CALCOCO2: variants seen among roughly 807,000 people sequenced by gnomAD.
The protein encoded by CALCOCO2 is calcium-binding and coiled-coil domain-containing protein 2.
A neutral mutation model predicts 62.5 loss-of-function variants in CALCOCO2; 42 were observed. The ratio of observed to expected loss-of-function variants is 0.67; its 90% confidence interval spans 0.53 to 0.87. CALCOCO2 has a LOEUF of 0.87. Ranked by LOEUF, CALCOCO2 falls within the 40% of genes least tolerant of loss-of-function variation. The pLI is 0.00. For missense variants in CALCOCO2, 456 were observed against 515.0 expected (o/e 0.89, Z 1.11); for synonymous variants, 167 against 173.0 (o/e 0.97, Z 0.27).
chr17:48,839,069 G>T (rs1334453982), intron 1 of CALCOCO2, among the ~76,000 whole-genome samples: 2 of 151,606 alleles, frequency 1.3e-5, no homozygotes, highest in Non-Finnish European at 2.9e-5. Context: ...GCGCAATCTG[G>T]CAATCTTGGC....
chr17:48,849,281 C>T lies in CALCOCO2; in HGVS notation c.447C>T (p.Asn149=). The part of the protein sequence containing the change: ...QGEVEEIEQH[N]KELCKENQEL... ...AGGTGGAAGAGATTGAGCAGCACAA[C>T]AAGGAGCTTTGCAAAGAAAACCAGG... Residue 149 remains asparagine, a synonymous_variant, in exon 5 of 13, where the codon AAC becomes AAT. Transcript: ENST00000258947. 1.2e-6 allele frequency: 2 copies of T among 1,613,726 alleles called. No homozygotes were observed. The highest frequency in any genetic ancestry group is 8.5e-7 in the Non-Finnish European group (1 of 1,179,706).
intron 9 of CALCOCO2, 46 bp from the exon 10 acceptor site, chr17:48,856,046 G>T: frequency 2.1e-6 from 2 of 956,730 alleles, no homozygotes; most frequent in Non-Finnish European, 3.3e-6. Flanking sequence ...CTTGTACCCA[G>T]ACTGCAATAT....
intron 1 of CALCOCO2, among the ~76,000 whole-genome samples, chr17:48,841,130 G>A (rs1189536904): frequency 6.6e-6 from 1 of 152,212 alleles, no homozygotes; most frequent in Admixed American, 6.5e-5. Context: ...AATAGGTGGT[G>A]AAGCTGGAAT....
intron 10 of CALCOCO2, among the ~76,000 whole-genome samples, chr17:48,858,034 GAATA>G (rs2040257510): frequency 8.2e-5 from 2 of 24,480 alleles, no homozygotes; most frequent in South Asian, 3.9e-3. Context: ...GAATAGAATA[GAATA>G]GAATAGAAAA....
chr17:48,850,570 T>C (rs2040114688), intron 5 of CALCOCO2, among the ~76,000 whole-genome samples: 1 of 152,244 alleles, frequency 6.6e-6, no homozygotes, highest in Non-Finnish European at 1.5e-5. Flanking sequence ...TAAAATTATA[T>C]GTAGCTCTCA....
intron 1 of CALCOCO2, among the ~76,000 whole-genome samples, chr17:48,841,111 C>T (rs994072784): frequency 1.3e-5 from 2 of 152,154 alleles, no homozygotes; most frequent in African/African-American, 4.8e-5. Context: ...TGCCCAATGC[C>T]ACAAATTTAA....
chr17:48,853,041 GAGGGAGCCTAT>G, intron 9 of CALCOCO2, 29 bp downstream of exon 9: 1 of 1,472,042 alleles, frequency 6.8e-7, no homozygotes, highest in East Asian at 2.3e-5. Flanking sequence ...GGTTATGTGG[GAGGGAGCCTAT>G]AGGGATGTAG....
intron 2 of CALCOCO2, among the ~76,000 whole-genome samples, chr17:48,847,171 G>C (rs2040063581): frequency 6.6e-6 from 1 of 151,956 alleles, no homozygotes; most frequent in Non-Finnish European, 1.5e-5. Context: ...CTCTTATCTG[G>C]TGCCTCATAA....
At chr17:48,846,003 A>T in intron 2 of CALCOCO2, 1 of 1,067,602 alleles carries the variant, frequency 9.4e-7, no homozygotes, top group Admixed American at 2.6e-5. Context: ...TTTGCAGCTC[A>T]CCTCAAATGC....
At chr17:48,858,715 CACAGTTTGCAAA>C (rs1413419066) in intron 10 of CALCOCO2, among the ~76,000 whole-genome samples, 2 of 151,840 alleles carry the variant, frequency 1.3e-5, no homozygotes, top group African/African-American at 4.8e-5. Flanking sequence ...CAGGTGCACA[CACAGTTTGCAAA>C]ACAAAGGGAA....
rs762797808 is a variant in CALCOCO2 at position 48,841,666 on chromosome 17, T to TAA, written c.-10-32_-10-31insAA. On this transcript the variant is annotated intron_variant, in intron 1 of 12. Transcript: ENST00000258947. The stretch of plus-strand genomic sequence containing the variant: ...CACCAACATTTCAGACAATGCTTTC[T>TAA]GAGCCTTACTCTGTTCCACATTTCA... The TAA allele has an allele frequency of 2.1e-6, 3 of 1,442,484 alleles. No individual in the cohort carries two copies. The African/African-American group carries it at 4.3e-5, about 20-fold the overall frequency. 89.4% of individuals were successfully genotyped at this position (1,442,484 alleles called of 1,614,324 possible).
chr17:48,851,467 C>T (rs924942980), intron 6 of CALCOCO2, 92 bp from the exon 7 acceptor site: 30 of 801,082 alleles, frequency 3.7e-5, no homozygotes, highest in Admixed American at 7.2e-5. Flanking sequence ...ATTCTGCAGG[C>T]TTAGGGCCAA....
At position 48,856,137 on chromosome 17, in the gene CALCOCO2, A is replaced by G; in HGVS notation, c.958A>G (p.Ile320Val). The change falls in exon 10 of 13, where the codon ATA becomes GTA. Residue 320 changes from isoleucine (I) to valine (V), a missense_variant. Transcript: ENST00000258947. ...LSKRLSENEI[I>V]CNALQRQKER... is the part of the protein sequence containing the mutation. ...AAAAAGACTGAGTGAGAACGAAATT[A>G]TATGTAATGCTCTGCAGAGACAGAA... 1 of 1,604,920 alleles carries G rather than the reference A, an allele frequency of 6.2e-7. No individual in the cohort carries two copies.
At chr17:48,838,558 C>CA (rs1286548614) in intron 1 of CALCOCO2, among the ~76,000 whole-genome samples, 10 of 151,822 alleles carry the variant, frequency 6.6e-5, no homozygotes, top group Middle Eastern at 3.4e-3. Flanking sequence ...ACTAAAAATT[C>CA]AAAAAACTGG....
chr17:48,846,319 A>G (rs1053346960), intron 2 of CALCOCO2: 3 of 597,676 alleles, frequency 5.0e-6, no homozygotes, highest in South Asian at 2.1e-5. Context: ...TTTTTAATAC[A>G]TACAAATATG....
At chr17:48,846,464 A>C in intron 2 of CALCOCO2, 1 of 1,484,740 alleles carries the variant, frequency 6.7e-7, no homozygotes, top group Non-Finnish European at 9.1e-7. Context: ...TTTCCAAGAC[A>C]AATTGGAACA....
intron 10 of CALCOCO2, among the ~76,000 whole-genome samples, chr17:48,859,451 A>G (rs1263973796): frequency 6.6e-6 from 1 of 152,058 alleles, no homozygotes; most frequent in Non-Finnish European, 1.5e-5. Context: ...AAAATTTAAA[A>G]ATCAGCCAGG....
chr17:48,856,120 T>C lies in CALCOCO2; in HGVS notation c.941T>C (p.Leu314Pro). The change falls in exon 10 of 13, where the codon CTG becomes CCG. Residue 314 changes from leucine (L) to proline (P), a missense_variant. By Grantham distance (98) the Leu-to-Pro change is moderately conservative (BLOSUM62 -3). Around this residue, in one of 3 missense-constraint regions of CALCOCO2, gnomAD observed 172 missense variants for 210.3 expected, o/e 0.82. Coordinates refer to ENST00000258947, the MANE Select transcript of CALCOCO2 (RefSeq NM_005831.5). ...MDENFDLSKR[L>P]SENEIICNAL... is the part of the protein sequence containing the mutation. The stretch of plus-strand genomic sequence containing the variant: ...GAAAACTTTGACCTGTCAAAAAGAC[T>C]GAGTGAGAACGAAATTATATGTAAT... 1 of 1,601,438 alleles carries C rather than the reference T, an allele frequency of 6.2e-7. No homozygotes were observed. The highest frequency in any genetic ancestry group is 8.5e-7 in the Non-Finnish European group (1 of 1,170,146).
At chr17:48,844,814 G>A (rs553579326) in intron 2 of CALCOCO2, among the ~76,000 whole-genome samples, 45 of 150,854 alleles carry the variant, frequency 3.0e-4, no homozygotes, top group East Asian at 1.2e-3. Context: ...TACCGCGCCC[G>A]GCCAATCTGG....
Sources: gnomAD v4.1 joint callset for allele counts (sites outside exome capture counted in the v4.1 genomes callset) on GRCh38, gnomAD v4.1.1 for gene constraint, gnomAD v4.1.1 regional missense constraint, MANE v1.5 for transcripts, NCBI Gene and HGNC (gene_info 2026-07-23, HGNC 2026-07-21) for gene names.